TANGO6: variants seen among roughly 807,000 people sequenced by gnomAD.
The protein encoded by TANGO6 is transport and golgi organization 6 homolog.
Under a neutral mutation model 114.2 loss-of-function variants are expected in TANGO6, and 90 were observed. That is an observed-to-expected ratio of 0.79 (90% CI 0.66 to 0.94). The LOEUF (loss-of-function observed/expected upper bound fraction) is 0.94. Ranked by LOEUF, TANGO6 falls within the 40% of genes least tolerant of loss-of-function variation. The pLI is 0.00. For missense variants in TANGO6, 1,274 were observed against 1,315.3 expected (o/e 0.97, Z 0.49); for synonymous variants, 477 against 509.8 (o/e 0.94, Z 0.87).
rs1962794822 is a variant in TANGO6 at position 68,902,249 on chromosome 16, T to G, written c.1491-79T>G. ...TAAAATGCAGTGGAACCTGACAGCC[T>G]TTCTTTCTTTTTTTATGTTAGCTTG... On this transcript the variant is annotated intron_variant, in intron 8 of 17. Transcript: ENST00000261778. The G allele has an allele frequency of 7.0e-6, 10 of 1,419,922 alleles. No individual in the cohort carries two copies. In the South Asian group the frequency reaches 1.3e-4, roughly 18 times the overall value. 88.0% of individuals were successfully genotyped at this position (1,419,922 alleles called of 1,614,324 possible). A position where few individuals can be genotyped will look rare whatever the true frequency, so the allele number is the denominator to read the frequency against.
At chr16:68,991,227 T>G (rs1963943768) in intron 15 of TANGO6, among the ~76,000 whole-genome samples, 1 of 152,172 alleles carries the variant, frequency 6.6e-6, no homozygotes, top group Non-Finnish European at 1.5e-5. Flanking sequence ...CTTGCCATGA[T>G]GGCCATTTGG....
chr16:69,066,629 C>A (rs540676368), intron 17 of TANGO6, among the ~76,000 whole-genome samples: 4 of 152,150 alleles, frequency 2.6e-5, no homozygotes, highest in Non-Finnish European at 4.4e-5. Context: ...TGGTGGTAAA[C>A]CCAATTTTCT....
At chr16:68,882,433 C>T (rs1362628805) in intron 7 of TANGO6, among the ~76,000 whole-genome samples, 1 of 151,572 alleles carries the variant, frequency 6.6e-6, no homozygotes, top group African/African-American at 2.4e-5. Flanking sequence ...GAAGGCAGAG[C>T]TTGCAGTGAG....
intron 12 of TANGO6, among the ~76,000 whole-genome samples, chr16:68,923,121 ATT>A (rs112914521): frequency 2.8e-4 from 37 of 131,256 alleles, no homozygotes; most frequent in Non-Finnish European, 2.8e-4. Context: ...CTCATTTTGT[ATT>A]TTTTTTTTTT....
In TANGO6 at chr16:68,909,370, A is replaced by G; in HGVS notation, c.1960A>G (p.Met654Val). The G allele has an allele frequency of 1.3e-6, 2 of 1,566,876 alleles. No individual in the cohort carries two copies. The highest frequency in any genetic ancestry group is 2.4e-5 in the South Asian group (2 of 84,590). ...LQLMAVLCER[M>V]SEQIFTNVTQ... ...GCTGATGGCTGTTCTGTGCGAGAGA[A>G]TGTCTGAGCAGATATTCACAAACGT... The change falls in exon 11 of 18, where the codon ATG becomes GTG. Residue 654 changes from methionine (M) to valine (V), a missense_variant. Coordinates refer to ENST00000261778, the MANE Select transcript of TANGO6 (RefSeq NM_024562.2).
At chr16:68,877,467 CAAAAAAAA>C (rs35716789) in intron 5 of TANGO6, among the ~76,000 whole-genome samples, 5 of 85,780 alleles carry the variant, frequency 5.8e-5, no homozygotes, top group Non-Finnish European at 1.3e-4. Context: ...GACTCCATCT[CAAAAAAAA>C]AAAAAAAAGG....
intron 14 of TANGO6, among the ~76,000 whole-genome samples, chr16:68,972,631 C>T (rs558706911): frequency 1.3e-5 from 2 of 152,128 alleles, no homozygotes; most frequent in Admixed American, 1.3e-4. Context: ...TAGGACTCTT[C>T]TAGGCATTGG....
intron 15 of TANGO6, among the ~76,000 whole-genome samples, chr16:68,982,378 C>T (rs1963845066): frequency 6.6e-6 from 1 of 152,046 alleles, no homozygotes; most frequent in African/African-American, 2.4e-5. Context: ...CTTTGTCGCC[C>T]AGGCTGGAGT....
chr16:68,955,842 A>G (rs1290954414), intron 14 of TANGO6, among the ~76,000 whole-genome samples: 1 of 152,122 alleles, frequency 6.6e-6, no homozygotes, highest in African/African-American at 2.4e-5. Context: ...TAATGAGATA[A>G]CTCAGCTAAA....
intron 17 of TANGO6, among the ~76,000 whole-genome samples, chr16:69,077,084 C>T (rs892057300): frequency 6.6e-6 from 1 of 151,844 alleles, no homozygotes; most frequent in African/African-American, 2.4e-5. Context: ...CTCTGTCTCC[C>T]AGGATAGAGT....
chr16:69,083,390 C>T (rs768947639), intron 17 of TANGO6, 95 bp from the exon 18 acceptor site: 344 of 1,414,838 alleles, frequency 2.4e-4, no homozygotes, highest in Non-Finnish European at 3.0e-4. Context: ...TGGATGTCCT[C>T]ACAGATCTCC....
intron 9 of TANGO6, 124 bp downstream of exon 9, chr16:68,902,628 T>A: frequency 1.2e-6 from 1 of 836,642 alleles, no homozygotes; most frequent in Non-Finnish European, 1.8e-6. Context: ...CTCAGGTGCC[T>A]GCTATTTATA....
intron 11 of TANGO6, among the ~76,000 whole-genome samples, chr16:68,910,074 A>G (rs148657838): frequency 5.3e-4 from 80 of 152,360 alleles, no homozygotes; most frequent in African/African-American, 1.9e-3. Flanking sequence ...CAAAGGCAGT[A>G]CAGTTGCCAG....
chr16:68,923,450 C>A (rs1022338462), intron 12 of TANGO6, among the ~76,000 whole-genome samples: 1 of 151,980 alleles, frequency 6.6e-6, no homozygotes, highest in Non-Finnish European at 1.5e-5. Flanking sequence ...GAGAGAGGGA[C>A]GAGCCGCTGA....
intron 17 of TANGO6, among the ~76,000 whole-genome samples, chr16:69,066,120 AC>A (rs1286820386): frequency 6.6e-6 from 1 of 152,022 alleles, no homozygotes; most frequent in Non-Finnish European, 1.5e-5. Context: ...CTGGCCTGAT[AC>A]TGTGTTCAGA....
intron 17 of TANGO6, among the ~76,000 whole-genome samples, chr16:69,051,946 CTTTT>C (rs35401100): frequency 7.4e-6 from 1 of 135,332 alleles, no homozygotes. Flanking sequence ...CTTTCTTTTT[CTTTT>C]TTTTTTTTTT....
At chr16:69,075,458 T>A (rs1237390687) in intron 17 of TANGO6, among the ~76,000 whole-genome samples, 4 of 150,176 alleles carry the variant, frequency 2.7e-5, no homozygotes, top group Non-Finnish European at 5.9e-5. Flanking sequence ...AACTTTTATT[T>A]TTTTTTTTTT....
At chr16:68,949,808 CAT>C (rs1963453988) in intron 14 of TANGO6, among the ~76,000 whole-genome samples, 2 of 151,606 alleles carry the variant, frequency 1.3e-5, no homozygotes, top group East Asian at 1.9e-4. Flanking sequence ...GAAATGAAAA[CAT>C]ATGTCCACAC....
chr16:68,979,830 C>T (rs1418252172), intron 15 of TANGO6, among the ~76,000 whole-genome samples: 1 of 149,532 alleles, frequency 6.7e-6, no homozygotes, highest in Non-Finnish European at 1.5e-5. Flanking sequence ...ATTAGGGTAT[C>T]AATTTTGTTT....
Sources: gnomAD v4.1 joint callset for allele counts (sites outside exome capture counted in the v4.1 genomes callset) on GRCh38, gnomAD v4.1.1 for gene constraint, MANE v1.5 for transcripts, NCBI Gene and HGNC (gene_info 2026-07-23, HGNC 2026-07-21) for gene names.